Variants in GFPT2 observed in about 807,000 individuals in gnomAD.
GFPT2 encodes the protein glutamine--fructose-6-phosphate aminotransferase [isomerizing] 2.
A neutral mutation model predicts 85.6 loss-of-function variants in GFPT2; 62 were observed. That is an observed-to-expected ratio of 0.72 (90% CI 0.59 to 0.90). The LOEUF is 0.90. GFPT2 is among the 40% of genes least tolerant of loss of function. GFPT2 has a pLI of 0.00. For missense variants in GFPT2, 788 were observed against 893.4 expected, an observed-to-expected ratio of 0.88 and a Z score of 1.50; for synonymous variants, 368 against 344.5, an observed-to-expected ratio of 1.07 and a Z score of -0.75.
chr5:180,319,792 G>C (rs1764084181), intron 9 of GFPT2, among the ~76,000 whole-genome samples: 1 of 152,080 alleles, frequency 6.6e-6, no homozygotes, highest in African/African-American at 2.4e-5. Context: ...TTTAACACTT[G>C]TAAACTCCAG....
intron 13 of GFPT2, among the ~76,000 whole-genome samples, chr5:180,314,553 T>C (rs1763964792): frequency 6.6e-6 from 1 of 152,206 alleles, no homozygotes; most frequent in Non-Finnish European, 1.5e-5. Flanking sequence ...AAATTCAGCA[T>C]AAGCCAGACT....
chr5:180,335,720 G>C (rs1764379640), intron 4 of GFPT2, 108 bp downstream of exon 4: 1 of 1,140,096 alleles, frequency 8.8e-7, no homozygotes, highest in Non-Finnish European at 1.3e-6. Flanking sequence ...GATGAAGTAG[G>C]CTGAGAAGTC....
chr5:180,336,216 A>G (rs1661815976), intron 3 of GFPT2: 2 of 578,426 alleles, frequency 3.5e-6, no homozygotes, highest in Admixed American at 6.4e-5. Context: ...TAAACAGAGA[A>G]GCAGTATCAT....
chr5:180,316,934 G>A (rs764052570), intron 11 of GFPT2, 29 bp downstream of exon 11: 59 of 1,557,450 alleles, frequency 3.8e-5, no homozygotes, highest in African/African-American at 9.5e-5. Flanking sequence ...AGGCTCGGGC[G>A]GAGGCTCCCC....
At chr5:180,346,944 C>T (rs1038455377) in intron 1 of GFPT2, among the ~76,000 whole-genome samples, 2 of 152,230 alleles carry the variant, frequency 1.3e-5, no homozygotes, top group Non-Finnish European at 2.9e-5. Flanking sequence ...AAAGTTTTCC[C>T]CTTTCTGTTA....
chr5:180,325,158 A>G (rs905729563), intron 7 of GFPT2, among the ~76,000 whole-genome samples: 11 of 152,176 alleles, frequency 7.2e-5, no homozygotes, highest in Non-Finnish European at 1.5e-4. Flanking sequence ...GGCCTCCTCC[A>G]GTCCAGTCAA....
intron 1 of GFPT2, among the ~76,000 whole-genome samples, chr5:180,346,023 G>C (rs752476386): frequency 1.3e-5 from 2 of 151,902 alleles, no homozygotes; most frequent in Non-Finnish European, 2.9e-5. Context: ...ACTGGCATGA[G>C]GACAGCCTTC....
chr5:180,335,405 T>C (rs17080196), intron 4 of GFPT2, among the ~76,000 whole-genome samples: 22,743 of 152,166 alleles, frequency 0.15, 1,871 homozygotes, highest in East Asian at 0.19. Context: ...GACCACTCTG[T>C]GGGGAAAAGA....
Position 180,335,831 on chromosome 5 carries a change from T to C in GFPT2, c.337A>G (p.Asn113Asp). ...GACGGGGAAGCATGCCACATACCGTTGCCTTTGTCTGAGCGCTGAGGGTGG... is the reference window on the plus strand; with the variant it reads ...GACGGGGAAGCATGCCACATACCGTCGCCTTTGTCTGAGCGCTGAGGGTGG... ...NSHPQRSDKG[N>D]EFVVIHNGII... is the part of the protein sequence containing the mutation. Residue 113 changes from asparagine to aspartate, a missense_variant, in exon 4 of 19, where the codon AAC becomes GAC. Physicochemically the swap from Asn to Asp is conservative, Grantham distance 23. Transcript: ENST00000253778. 1.2e-6 allele frequency: 2 copies of C among 1,601,184 alleles called. No individual in the cohort carries two copies. The highest frequency in any genetic ancestry group is 1.7e-6 in the Non-Finnish European group (2 of 1,175,342).
intron 15 of GFPT2, among the ~76,000 whole-genome samples, chr5:180,307,782 T>G (rs1763808545): frequency 6.6e-6 from 1 of 152,200 alleles, no homozygotes; most frequent in African/African-American, 2.4e-5. Context: ...GAGCCTTTGT[T>G]TTTGAGTTAA....
chr5:180,332,244 GGCGGGGGGAGCAGGGGGAT>G (rs1764316371), intron 4 of GFPT2, among the ~76,000 whole-genome samples: 1 of 149,058 alleles, frequency 6.7e-6, no homozygotes, highest in Admixed American at 6.6e-5. Flanking sequence ...GTGGCGGGGG[GGCGGGGGGAGCAGGGGGAT>G]GCGGGGGATG....
At chr5:180,326,762 G>A (rs1440797124) in intron 7 of GFPT2, among the ~76,000 whole-genome samples, 4 of 152,140 alleles carry the variant, frequency 2.6e-5, no homozygotes, top group Non-Finnish European at 5.9e-5. Flanking sequence ...TATTGCTGTA[G>A]GTTGAGCTCT....
rs1057426978 is a variant in GFPT2, at chr5:180,318,494, C to T, written c.958+299G>A. The T allele has an allele frequency of 2.8e-6, 1 of 361,180 alleles. No homozygotes were observed. Among genetic ancestry groups the T allele is most frequent in the Admixed American group, 3.9e-5 (1 of 25,708 alleles). 22.4% of individuals were successfully genotyped at this position (361,180 alleles called of 1,614,324 possible). ...CTTCCACCCAGAGGAGAAATGATGC[C>T]TGAGGGTGGGCATGTGTCCCGCGGA... On this transcript the variant is annotated intron_variant, in intron 10 of 18. Transcript: ENST00000253778. The surrounding 1 kb of genome is among the most constrained non-coding windows in gnomAD (Gnocchi z 4.2).
Position 180,338,489 on chromosome 5 carries a change from C to A in GFPT2, c.115+4G>T, listed in dbSNP as rs780526005. ...AGCCACGAGGCGGGCGGCCGCACAC[C>A]CACCTGCCGAGTCGTAGCCTCTGTA... On this transcript the variant is annotated splice_donor_region_variant and intron_variant, in intron 2 of 18. Coordinates refer to ENST00000253778, the MANE Select transcript of GFPT2 (RefSeq NM_005110.4). The A allele has an allele frequency of 6.4e-7, 1 of 1,566,212 alleles. No individual in the cohort carries two copies. The highest frequency in any genetic ancestry group is 8.8e-7 in the Non-Finnish European group (1 of 1,137,858).
intron 1 of GFPT2, among the ~76,000 whole-genome samples, chr5:180,347,518 G>A (rs1365271040): frequency 2.6e-5 from 4 of 152,304 alleles, no homozygotes; most frequent in Admixed American, 1.3e-4. Context: ...GAAGGGATTC[G>A]ACATGAGCCC....
intron 3 of GFPT2, 183 bp downstream of exon 3, chr5:180,336,296 A>G: frequency 1.6e-6 from 1 of 634,052 alleles, no homozygotes; most frequent in East Asian, 2.6e-5. Context: ...ATGCGCCGCC[A>G]CCACCTAAAA....
At chr5:180,346,082 T>A (rs1442599272) in intron 1 of GFPT2, among the ~76,000 whole-genome samples, 1 of 151,814 alleles carries the variant, frequency 6.6e-6, no homozygotes, top group African/African-American at 2.4e-5. Flanking sequence ...CCCTGCTGGG[T>A]AAACCACCAT....
At chr5:180,333,250 T>C (rs1332547068) in intron 4 of GFPT2, among the ~76,000 whole-genome samples, 1 of 149,646 alleles carries the variant, frequency 6.7e-6, no homozygotes, top group East Asian at 2.0e-4. Flanking sequence ...TTTTTTTTTT[T>C]CTGAGATGGA....
intron 2 of GFPT2, among the ~76,000 whole-genome samples, chr5:180,337,237 A>C (rs1764419552): frequency 6.6e-6 from 1 of 152,132 alleles, no homozygotes; most frequent in South Asian, 2.1e-4. Flanking sequence ...GGTGGATCAC[A>C]AGGTCAAGAG....
Sources: allele counts gnomAD v4.1 joint callset (sites outside exome capture counted in the v4.1 genomes callset), GRCh38; gene constraint gnomAD v4.1.1; non-coding constraint Gnocchi (gnomAD v3.1); transcripts MANE v1.5; gene names NCBI Gene and HGNC (gene_info 2026-07-23, HGNC 2026-07-21).